Variants in ADK observed in about 807,000 individuals in gnomAD.
ADK encodes the protein adenosine kinase, also known as N6,N6-dimethyladenosine kinase.
A neutral mutation model predicts 44.7 loss-of-function variants in ADK; 24 were observed. That is an observed-to-expected ratio of 0.54 (90% CI 0.39 to 0.76). The LOEUF is 0.76. Among genes scored for constraint, ADK ranks in the 30% least tolerant of loss-of-function variants. The pLI is 0.00. For missense variants in ADK, 321 were observed against 425.1 expected, an observed-to-expected ratio of 0.76 and a Z score of 2.15; for synonymous variants, 128 against 142.6, an observed-to-expected ratio of 0.90 and a Z score of 0.73.
At chr10:74,455,460 C>G (rs1845910842) in intron 6 of ADK, among the ~76,000 whole-genome samples, 1 of 152,078 alleles carries the variant, frequency 6.6e-6, no homozygotes. Flanking sequence ...ATTTTATATC[C>G]CCTTGACTTA....
At chr10:74,428,405 A>G (rs1844873581) in intron 6 of ADK, among the ~76,000 whole-genome samples, 1 of 152,192 alleles carries the variant, frequency 6.6e-6, no homozygotes, top group South Asian at 2.1e-4. Context: ...GTTGTTTGTT[A>G]AGTATACAGA....
chr10:74,254,442 T>G (rs115847091), intron 3 of ADK, among the ~76,000 whole-genome samples: 1,933 of 152,186 alleles, frequency 0.013, 40 homozygotes, highest in African/African-American at 0.044. Context: ...CCTTTCAGGT[T>G]CGGTTGCTGG....
chr10:74,156,172 A>G (rs1205811030), intron 1 of ADK, among the ~76,000 whole-genome samples: 2 of 152,182 alleles, frequency 1.3e-5, no homozygotes, highest in Non-Finnish European at 2.9e-5. Flanking sequence ...AAACTCAGGG[A>G]AAGTGGGAAG....
intron 7 of ADK, among the ~76,000 whole-genome samples, chr10:74,588,940 G>T (rs1364488055): frequency 6.6e-6 from 1 of 152,124 alleles, no homozygotes; most frequent in Non-Finnish European, 1.5e-5. Flanking sequence ...TTTTTGAGAG[G>T]TATTGTTTTA....
At chr10:74,605,326 T>A (rs1477209929) in intron 9 of ADK, among the ~76,000 whole-genome samples, 1 of 152,228 alleles carries the variant, frequency 6.6e-6, no homozygotes, top group African/African-American at 2.4e-5. Flanking sequence ...TGTGCCGGTT[T>A]TCAAAGGCAA....
intron 3 of ADK, among the ~76,000 whole-genome samples, chr10:74,295,377 A>C (rs1288653521): frequency 6.6e-6 from 1 of 151,808 alleles, no homozygotes; most frequent in Non-Finnish European, 1.5e-5. Flanking sequence ...TGGGAGAATC[A>C]CTTGAACCTG....
intron 4 of ADK, among the ~76,000 whole-genome samples, chr10:74,334,764 A>C (rs1248536063): frequency 6.6e-6 from 1 of 152,084 alleles, no homozygotes; most frequent in African/African-American, 2.4e-5. Flanking sequence ...GGCAGGCTTC[A>C]TAGGGGGAGG....
chr10:74,200,623 AG>A, intron 1 of ADK, 140 bp from the exon 2 acceptor site: 1 of 681,952 alleles, frequency 1.5e-6, no homozygotes, highest in Admixed American at 2.2e-5. Context: ...TACGTATAAT[AG>A]GCAAATCAAA....
At chr10:74,225,648 G>C (rs1844506281) in intron 3 of ADK, among the ~76,000 whole-genome samples, 1 of 152,138 alleles carries the variant, frequency 6.6e-6, no homozygotes, top group South Asian at 2.1e-4. Flanking sequence ...AATGTTCAGG[G>C]AAAGGATTTT....
chr10:74,660,362 G>C (rs1262527505), intron 9 of ADK, among the ~76,000 whole-genome samples: 3 of 152,066 alleles, frequency 2.0e-5, no homozygotes, highest in Non-Finnish European at 4.4e-5. Flanking sequence ...GAACTTATTA[G>C]CTGAAACAAT....
intron 9 of ADK, among the ~76,000 whole-genome samples, chr10:74,642,633 A>T (rs1853905721): frequency 6.6e-6 from 1 of 151,990 alleles, no homozygotes; most frequent in South Asian, 2.1e-4. Context: ...TATTTACTAA[A>T]ATTATCCCCA....
intron 6 of ADK, among the ~76,000 whole-genome samples, chr10:74,410,432 G>A (rs567974088): frequency 3.3e-5 from 5 of 152,154 alleles, no homozygotes; most frequent in Non-Finnish European, 7.4e-5. Flanking sequence ...CCAGCCCTTC[G>A]GGAGGCTGAA....
At chr10:74,478,238 G>A (rs1266914267) in intron 6 of ADK, among the ~76,000 whole-genome samples, 1 of 152,118 alleles carries the variant, frequency 6.6e-6, no homozygotes, top group Non-Finnish European at 1.5e-5. Flanking sequence ...TTTATTTCTA[G>A]AGACAGTGTT....
At chr10:74,645,476 G>A (rs145954612) in intron 9 of ADK, among the ~76,000 whole-genome samples, 34 of 152,208 alleles carry the variant, frequency 2.2e-4, no homozygotes, top group African/African-American at 7.2e-4. Flanking sequence ...ATAATGAAAT[G>A]GAAATATAGG....
At chr10:74,675,801 A>AT (rs1210020215) in intron 10 of ADK, among the ~76,000 whole-genome samples, 1 of 152,214 alleles carries the variant, frequency 6.6e-6, no homozygotes, top group African/African-American at 2.4e-5. Flanking sequence ...AAGAAAAATC[A>AT]TAACAAATAA....
chr10:74,227,168 A>G (rs1259960520), intron 3 of ADK, among the ~76,000 whole-genome samples: 1 of 152,224 alleles, frequency 6.6e-6, no homozygotes, highest in Non-Finnish European at 1.5e-5. Context: ...TGTGTTCAAG[A>G]CTAAGCTTTA....
In ADK at chr10:74,550,694, C is replaced by T. The variant is rs147434059; in HGVS notation, c.726+25268C>T. Among the ~76,000 whole-genome samples, 472 of 152,272 alleles carry T rather than the reference C, an allele frequency of 3.1e-3. 1 individual carries two copies. Among genetic ancestry groups the T allele is most frequent in the African/African-American group, 0.01 (431 of 41,546 alleles). ...ATAGTAGGTAGTCAAGACAGTCCAA[C>T]AATCAATCTTAAAGACATTTCATTT... is the stretch of plus-strand genomic sequence containing the variant. On this transcript the variant is annotated intron_variant, in intron 7 of 10. Transcript: ENST00000539909.
chr10:74,546,921 CA>C (rs1849840462), intron 7 of ADK, among the ~76,000 whole-genome samples: 1 of 152,062 alleles, frequency 6.6e-6, no homozygotes, highest in African/African-American at 2.4e-5. Context: ...GTTAAAAATA[CA>C]AAAACATGCA....
At position 74,364,687 on chromosome 10, in the gene ADK, G is replaced by GGTGTGT. The variant is rs58295310; in HGVS notation, c.274-29405_274-29400dup. ...TCCTTTATCTTTAGGCAAAGGCTAT[G>GGTGTGT]GTGTGTGTGTGTGTGTGTGTGTGTG... On this transcript the variant is annotated intron_variant, in intron 4 of 10. Coordinates refer to ENST00000539909, the MANE Select transcript of ADK (RefSeq NM_006721.4). 3.6e-3 allele frequency among the ~76,000 whole-genome samples: 493 copies of GGTGTGT among 136,442 alleles called. 2 individuals are homozygous for GGTGTGT. Among genetic ancestry groups the GGTGTGT allele is most frequent in the East Asian group, 8.4e-3 (38 of 4,498 alleles). 89.5% of individuals were successfully genotyped at this position (136,442 alleles called of 152,430 possible).
Sources: gnomAD v4.1 joint callset for allele counts (sites outside exome capture counted in the v4.1 genomes callset) on GRCh38, gnomAD v4.1.1 for gene constraint, MANE v1.5 for transcripts, NCBI Gene and HGNC (gene_info 2026-07-23, HGNC 2026-07-21) for gene names.